Variants in ZMAT3 observed in about 807,000 individuals in gnomAD.
The protein encoded by ZMAT3 is zinc finger matrin-type protein 3.
In ZMAT3, 17 loss-of-function variants were observed where a neutral mutation model predicts 32.3. The ratio of observed to expected loss-of-function variants is 0.53; its 90% confidence interval spans 0.36 to 0.79. The LOEUF (loss-of-function observed/expected upper bound fraction) is 0.79. Ranked by LOEUF, ZMAT3 falls within the 30% of genes least tolerant of loss-of-function variation. ZMAT3 has a pLI of 0.00. For synonymous variants in ZMAT3, 120 were observed against 133.1 expected, an observed-to-expected ratio of 0.90 and a Z score of 0.68; for missense variants, 329 against 359.7, an observed-to-expected ratio of 0.91 and a Z score of 0.69.
At chr3:179,037,981 T>C (rs898860890) in intron 2 of ZMAT3, among the ~76,000 whole-genome samples, 1 of 151,340 alleles carries the variant, frequency 6.6e-6, no homozygotes, top group Admixed American at 6.6e-5. Context: ...GAAAAAAGAG[T>C]TACTGACAAC....
At position 179,034,120 on chromosome 3, in the gene ZMAT3, C is replaced by G. The variant is rs183602182; in HGVS notation, c.271-3121G>C. ...GTAAAACAGTATATTATTCTTTAAA[C>G]TGCATTGTAAAACTCAAACCTGCAG... On this transcript the variant is annotated intron_variant, in intron 2 of 5. Transcript: ENST00000311417. 3.5e-3 allele frequency among the ~76,000 whole-genome samples: 539 copies of G among 152,334 alleles called. 3 individuals are homozygous for G. Among genetic ancestry groups the G allele is most frequent in the African/African-American group, 0.012 (509 of 41,570 alleles).
rs1253556265 is a variant in ZMAT3, at chr3:179,037,515, G to A, written c.271-6516C>T. Among the ~76,000 whole-genome samples, 7 of 152,318 alleles carry A rather than the reference G, an allele frequency of 4.6e-5. No homozygotes were observed. In the Middle Eastern group the frequency reaches 0.01, roughly 222 times the overall value. On this transcript the variant is annotated intron_variant, in intron 2 of 5. Transcript: ENST00000311417. Reference sequence around the variant, plus strand: ...CAGGCCAAGGCACAAGCCGAGCACAGCCTGCCAGGCTGAGTGGGCGGAGTG... The same window carrying A: ...CAGGCCAAGGCACAAGCCGAGCACAACCTGCCAGGCTGAGTGGGCGGAGTG...
In ZMAT3 at chr3:179,025,040, T is replaced by C; in HGVS notation, c.847A>G (p.Met283Val). ...CACTATACATATCCCAGATTCTCCATCTCATTCCTGTACCGCTGTTCAGAC... is the reference window on the plus strand; with the variant it reads ...CACTATACATATCCCAGATTCTCCACCTCATTCCTGTACCGCTGTTCAGAC... ...KVSEQRYRNE[M>V]ENLGYV The change falls in exon 6 of 6, where the codon ATG (methionine) becomes GTG (valine). Residue 283 changes from methionine to valine, a missense_variant. By Grantham distance (21) the Met-to-Val change is conservative (BLOSUM62 1). Transcript: ENST00000311417. 6.2e-7 allele frequency: 1 copy of C among 1,614,224 alleles called. No individual in the cohort carries two copies. The highest frequency in any genetic ancestry group is 8.5e-7 in the Non-Finnish European group (1 of 1,180,036).
At chr3:179,044,890 G>A (rs1720146595) in intron 2 of ZMAT3, among the ~76,000 whole-genome samples, 1 of 151,888 alleles carries the variant, frequency 6.6e-6, no homozygotes, top group South Asian at 2.1e-4. Flanking sequence ...GGGGGCGGGG[G>A]ACTAGGGGAG....
intron 2 of ZMAT3, among the ~76,000 whole-genome samples, chr3:179,054,259 C>T (rs1442197585): frequency 4.6e-5 from 7 of 152,200 alleles, no homozygotes; most frequent in African/African-American, 1.2e-4. Context: ...ATGCCCCACA[C>T]ATACTAACAT....
intron 2 of ZMAT3, among the ~76,000 whole-genome samples, chr3:179,039,359 C>T (rs992310538): frequency 3.3e-5 from 5 of 152,162 alleles, no homozygotes; most frequent in East Asian, 1.9e-4. Flanking sequence ...ATGCAGATTC[C>T]GGAGGAAGGA....
intron 2 of ZMAT3, among the ~76,000 whole-genome samples, chr3:179,043,873 GA>G (rs1366232264): frequency 6.6e-6 from 1 of 151,936 alleles, no homozygotes; most frequent in Non-Finnish European, 1.5e-5. Flanking sequence ...AAATTTACAA[GA>G]AAAAAACAAA....
chr3:179,060,410 G>A (rs1721095610), intron 2 of ZMAT3, among the ~76,000 whole-genome samples: 1 of 151,660 alleles, frequency 6.6e-6, no homozygotes, highest in East Asian at 1.9e-4. Flanking sequence ...GGGAGACCAA[G>A]GCAGGTGGAC....
chr3:179,054,444 G>A (rs1720727119), intron 2 of ZMAT3, among the ~76,000 whole-genome samples: 1 of 152,140 alleles, frequency 6.6e-6, no homozygotes, highest in Non-Finnish European at 1.5e-5. Context: ...TAAAACAGAT[G>A]CTATGAATTG....
Position 179,021,173 on chromosome 3 carries a change from A to G in ZMAT3, c.*3844T>C, listed in dbSNP as rs1052342839. On this transcript the variant is annotated 3_prime_UTR_variant, in exon 6 of 6. Transcript: ENST00000311417. ...TATTCACCTTGCAGAATTTAGTGCA[A>G]TAAGAGACAGGCAGACAAACATAAA... is the stretch of plus-strand genomic sequence containing the variant. 5 of 152,240 alleles carry G rather than the reference A, an allele frequency of 3.3e-5. No individual in the cohort carries two copies. Among genetic ancestry groups the G allele is most frequent in the Non-Finnish European group, 7.3e-5 (5 of 68,044 alleles). The allele number at this position is 152,240 out of a possible 1,614,324, so 9.4% of individuals were successfully genotyped here.
At chr3:179,054,027 GT>G (rs1291542345) in intron 2 of ZMAT3, among the ~76,000 whole-genome samples, 3 of 152,208 alleles carry the variant, frequency 2.0e-5, no homozygotes, top group Non-Finnish European at 4.4e-5. Flanking sequence ...AAATGTTAAT[GT>G]TTGGGGAGTC....
At chr3:179,056,546 G>T (rs1720855803) in intron 2 of ZMAT3, among the ~76,000 whole-genome samples, 3 of 152,154 alleles carry the variant, frequency 2.0e-5, no homozygotes, top group Admixed American at 2.0e-4. Flanking sequence ...CTGCCCCAGG[G>T]GATGAAGATA....
intron 2 of ZMAT3, among the ~76,000 whole-genome samples, chr3:179,058,817 A>G (rs1721001012): frequency 7.0e-6 from 1 of 142,776 alleles, no homozygotes. Flanking sequence ...TGCAGTGGTC[A>G]GTGATAATGG....
At chr3:179,033,706 C>G (rs1009385841) in intron 2 of ZMAT3, among the ~76,000 whole-genome samples, 25 of 152,154 alleles carry the variant, frequency 1.6e-4, no homozygotes, top group African/African-American at 6.0e-4. Flanking sequence ...TCCAATTATT[C>G]TTTTAAAATT....
intron 2 of ZMAT3, among the ~76,000 whole-genome samples, chr3:179,043,001 G>C (rs1357221893): frequency 6.6e-6 from 1 of 152,048 alleles, no homozygotes; most frequent in Non-Finnish European, 1.5e-5. Flanking sequence ...AAATACCTAG[G>C]AATCCAACTT....
chr3:179,048,019 A>T (rs1159111581), intron 2 of ZMAT3, among the ~76,000 whole-genome samples: 1 of 152,240 alleles, frequency 6.6e-6, no homozygotes, highest in Non-Finnish European at 1.5e-5. Flanking sequence ...TGCAAAATGC[A>T]CTGAAAAGTC....
chr3:179,040,860 A>T (rs1461309367), intron 2 of ZMAT3, among the ~76,000 whole-genome samples: 1 of 151,866 alleles, frequency 6.6e-6, no homozygotes, highest in Admixed American at 6.6e-5. Flanking sequence ...CAGAGGCTCA[A>T]AATAAAGGGA....
chr3:179,050,191 G>T (rs546904112), intron 2 of ZMAT3, among the ~76,000 whole-genome samples: 2 of 151,938 alleles, frequency 1.3e-5, no homozygotes, highest in African/African-American at 4.8e-5. Context: ...CAAAAGGTTG[G>T]TTTTTTGACA....
chr3:179,058,003 A>T (rs1720941102), intron 2 of ZMAT3, among the ~76,000 whole-genome samples: 1 of 152,182 alleles, frequency 6.6e-6, no homozygotes, highest in Admixed American at 6.5e-5. Context: ...CACAGAAAAA[A>T]CAGGAATAGC....
Sources: gnomAD v4.1 joint callset for allele counts (sites outside exome capture counted in the v4.1 genomes callset) on GRCh38, gnomAD v4.1.1 for gene constraint, MANE v1.5 for transcripts, NCBI Gene and HGNC (gene_info 2026-07-23, HGNC 2026-07-21) for gene names.